The following FAM193B variants were observed in gnomAD, a reference collection of about 807,000 sequenced individuals.
FAM193B encodes the protein family with sequence similarity 193 member B.
FAM193B carries 27 observed loss-of-function variants against 70.7 expected under a neutral mutation model. That is an observed-to-expected ratio of 0.38 (90% CI 0.28 to 0.53). FAM193B has a LOEUF of 0.53. Ranked by LOEUF, FAM193B falls within the 20% of genes least tolerant of loss-of-function variation. The pLI, the probability that FAM193B is intolerant of heterozygous loss-of-function variation, is 0.81. For synonymous variants in FAM193B, 448 were observed against 436.0 expected, an observed-to-expected ratio of 1.03 and a Z score of -0.34; for missense variants, 1,022 against 1,072.5, an observed-to-expected ratio of 0.95 and a Z score of 0.66.
At chr5:177,553,917 T>A in intron 1 of FAM193B, 1 of 1,215,946 alleles carries the variant, frequency 8.2e-7, no homozygotes, top group Non-Finnish European at 1.0e-6. Flanking sequence ...CCGGGGGAGG[T>A]GGCGGGCCGA....
intron 1 of FAM193B, among the ~76,000 whole-genome samples, chr5:177,543,167 A>T (rs1765052926): frequency 6.6e-6 from 1 of 152,200 alleles, no homozygotes; most frequent in African/African-American, 2.4e-5. Context: ...AATGGTACAC[A>T]AAATAAATGA....
intron 5 of FAM193B, among the ~76,000 whole-genome samples, chr5:177,526,303 T>C (rs1455931933): frequency 6.6e-6 from 1 of 152,184 alleles, no homozygotes; most frequent in Non-Finnish European, 1.5e-5. Context: ...CATCTCTACA[T>C]TCCAGGGTCA....
rs376370714 is a variant in FAM193B at position 177,538,895 on chromosome 5, G to C, written c.453+10C>G. 2 of 1,613,158 alleles carry C rather than the reference G, an allele frequency of 1.2e-6. No individual in the cohort carries two copies. The highest frequency in any genetic ancestry group is 1.7e-4 in the Middle Eastern group (1 of 6,036). ...CCTGCATTCAGGGACCCCTGTCAGC[G>C]GTTACCTACCGCCACTGCATGTTCT... On this transcript the variant is annotated intron_variant, in intron 2 of 8. Coordinates refer to ENST00000514747, the MANE Select transcript of FAM193B (RefSeq NM_001190946.3). This position sits in a 1 kb window ranked among gnomAD's most constrained non-coding sequence, Gnocchi z 4.1.
chr5:177,533,450 G>A (rs2544815), intron 4 of FAM193B, among the ~76,000 whole-genome samples: 63,564 of 151,500 alleles, frequency 0.42, 14,535 homozygotes, highest in East Asian at 0.63. Context: ...GACTACAGGC[G>A]CCCGCAACCA....
At chr5:177,535,631 T>C (rs1229904808) in intron 4 of FAM193B, among the ~76,000 whole-genome samples, 3 of 152,214 alleles carry the variant, frequency 2.0e-5, no homozygotes, top group Admixed American at 6.5e-5. Context: ...TATCCAGGAA[T>C]AGGGGAATGA....
chr5:177,532,656 G>A lies in FAM193B; in HGVS notation c.1077-15C>T. ...ACCCGGGATCCCTGATGATGGGGAG[G>A]AAGGCCCAGAGGTGAGGCAGGGTGA... On this transcript the variant is annotated splice_polypyrimidine_tract_variant and intron_variant, in intron 4 of 8. Transcript: ENST00000514747. The surrounding 1 kb of genome is among the most constrained non-coding windows in gnomAD (Gnocchi z 4.9). 2 of 1,523,128 alleles carry A rather than the reference G, an allele frequency of 1.3e-6. No individual in the cohort carries two copies. The highest frequency in any genetic ancestry group is 1.7e-6 in the Non-Finnish European group (2 of 1,144,172). 94.4% of individuals were successfully genotyped at this position (1,523,128 alleles called of 1,614,324 possible). A position where few individuals can be genotyped will look rare whatever the true frequency, so the allele number is the denominator to read the frequency against.
chr5:177,520,638 T>C (rs1264061902), intron 8 of FAM193B, among the ~76,000 whole-genome samples: 1 of 152,228 alleles, frequency 6.6e-6, no homozygotes, highest in African/African-American at 2.4e-5. Flanking sequence ...AAGGAGACAG[T>C]TGCATTTGAT....
intron 1 of FAM193B, among the ~76,000 whole-genome samples, chr5:177,540,447 A>G (rs995279792): frequency 6.6e-6 from 1 of 151,974 alleles, no homozygotes; most frequent in African/African-American, 2.4e-5. Context: ...ATCTGCCCCC[A>G]CTCTGACACT....
intron 4 of FAM193B, among the ~76,000 whole-genome samples, chr5:177,534,320 T>A (rs1053164284): frequency 1.5e-5 from 2 of 137,234 alleles, no homozygotes; most frequent in African/African-American, 2.7e-5. Flanking sequence ...GGAGACGGAG[T>A]CTCGCTCTGT....
chr5:177,545,187 G>C (rs1765265979), intron 1 of FAM193B, among the ~76,000 whole-genome samples: 1 of 152,082 alleles, frequency 6.6e-6, no homozygotes, highest in South Asian at 2.1e-4. Flanking sequence ...AGGATTACAG[G>C]CGCCTGCCAA....
intron 6 of FAM193B, 23 bp from the exon 7 acceptor site, chr5:177,524,055 G>C (rs375666731): frequency 5.0e-6 from 8 of 1,613,934 alleles, no homozygotes; most frequent in Non-Finnish European, 6.8e-6. Context: ...AGCCAGGAGG[G>C]CTCAGTGCCC....
At chr5:177,550,177 A>G (rs902781539) in intron 1 of FAM193B, among the ~76,000 whole-genome samples, 6 of 152,092 alleles carry the variant, frequency 3.9e-5, no homozygotes, top group Non-Finnish European at 1.5e-5. Flanking sequence ...TAAAATCCTA[A>G]GTGGGTAAGT....
rs1238775909 is a variant in FAM193B, at chr5:177,521,958, C to A, written c.*1+16G>T. 6.2e-7 allele frequency: 1 copy of A among 1,606,988 alleles called. No individual in the cohort carries two copies. The highest frequency in any genetic ancestry group is 2.2e-5 in the East Asian group (1 of 44,842). ...ACAGGGAGAGGCAGTGGATGTAACT[C>A]TTGGGGTCTCTGTACCTCACTGAGC... On this transcript the variant is annotated intron_variant, in intron 8 of 8. Coordinates refer to ENST00000514747, the MANE Select transcript of FAM193B (RefSeq NM_001190946.3).
intron 1 of FAM193B, among the ~76,000 whole-genome samples, chr5:177,541,027 G>C (rs948961084): frequency 3.9e-5 from 6 of 152,190 alleles, no homozygotes; most frequent in Non-Finnish European, 5.9e-5. Flanking sequence ...AGTACCAGAA[G>C]CATAATGAAA....
At chr5:177,541,451 CT>C (rs1289556386) in intron 1 of FAM193B, among the ~76,000 whole-genome samples, 2 of 152,162 alleles carry the variant, frequency 1.3e-5, no homozygotes, top group African/African-American at 4.8e-5. Flanking sequence ...CGGAGTCTCG[CT>C]CTGTCGCCCA....
chr5:177,538,145 G>A lies in FAM193B; in HGVS notation c.454-38C>T. ...GAGGAAAAAGGCTCACGGTCAAACA[G>A]CAAACATCGGAGCTGACCCTCTGCT... On this transcript the variant is annotated intron_variant, in intron 2 of 8. Transcript: ENST00000514747. This position sits in a 1 kb window ranked among gnomAD's most constrained non-coding sequence, Gnocchi z 4.1. The A allele has an allele frequency of 6.6e-7, 1 of 1,504,892 alleles. No individual in the cohort carries two copies. The highest frequency in any genetic ancestry group is 2.5e-5 in the East Asian group (1 of 40,318). The allele number at this position is 1,504,892 out of a possible 1,614,324, so 93.2% of individuals were successfully genotyped here.
At chr5:177,522,194 C>G in intron 7 of FAM193B, 123 bp from the exon 8 acceptor site, 1 of 753,312 alleles carries the variant, frequency 1.3e-6, no homozygotes, top group Middle Eastern at 2.7e-4. Context: ...CTCTTTGGCT[C>G]TCAGGTGCTA....
At chr5:177,531,423 GC>G (rs1185741270) in intron 5 of FAM193B, 1 of 1,361,648 alleles carries the variant, frequency 7.3e-7, no homozygotes. Context: ...CGCCCAGGGT[GC>G]CCCCCTTCAT....
chr5:177,530,992 G>C (rs1439982042), intron 5 of FAM193B, among the ~76,000 whole-genome samples: 1 of 152,226 alleles, frequency 6.6e-6, no homozygotes, highest in Non-Finnish European at 1.5e-5. Flanking sequence ...TTGGCTGCCA[G>C]TATTTGTAGA....
Sources: gnomAD v4.1 joint callset for allele counts (sites outside exome capture counted in the v4.1 genomes callset) on GRCh38, gnomAD v4.1.1 for gene constraint, Gnocchi (gnomAD v3.1) non-coding constraint, MANE v1.5 for transcripts, NCBI Gene and HGNC (gene_info 2026-07-23, HGNC 2026-07-21) for gene names.